The following RPS6KA2 variants were observed in gnomAD, a reference collection of about 807,000 sequenced individuals.
The protein encoded by RPS6KA2 is ribosomal protein S6 kinase alpha-2.
A neutral mutation model predicts 91.8 loss-of-function variants in RPS6KA2; 42 were observed. The observed-to-expected ratio is 0.46, with a 90% CI of 0.36 to 0.59. The LOEUF (loss-of-function observed/expected upper bound fraction) is 0.59, where lower values mean the gene tolerates loss of function less well. RPS6KA2 is among the 20% of genes least tolerant of loss of function. The pLI is 0.00. For synonymous variants in RPS6KA2, 414 were observed against 393.6 expected (o/e 1.05, Z -0.61); for missense variants, 798 against 978.5 (o/e 0.82, Z 2.46).
chr6:166,680,462 G>T (rs1788760733), intron 2 of RPS6KA2, among the ~76,000 whole-genome samples: 1 of 152,148 alleles, frequency 6.6e-6, no homozygotes, highest in African/African-American at 2.4e-5. Flanking sequence ...CCACGTTGTG[G>T]AAGGTTTGTT....
At chr6:166,549,750 C>T (rs1264178040) in intron 1 of RPS6KA2, among the ~76,000 whole-genome samples, 1 of 152,102 alleles carries the variant, frequency 6.6e-6, no homozygotes. Context: ...CCACAGATTA[C>T]ACATGTGATA....
intron 10 of RPS6KA2, among the ~76,000 whole-genome samples, chr6:166,474,011 C>T (rs1167337438): frequency 1.4e-5 from 2 of 143,730 alleles, no homozygotes; most frequent in African/African-American, 2.6e-5. Flanking sequence ...GTCAGGGAGT[C>T]GCTCGTGTCC....
At chr6:166,515,222 G>A (rs1782607556) in intron 3 of RPS6KA2, among the ~76,000 whole-genome samples, 1 of 152,184 alleles carries the variant, frequency 6.6e-6, no homozygotes, top group South Asian at 2.1e-4. Flanking sequence ...GGCAGCAGAT[G>A]CTCAAGACAG....
rs536257907 is a variant in RPS6KA2, at chr6:166,497,868, A to C, written c.747+640T>G. Among the ~76,000 whole-genome samples the C allele has an allele frequency of 3.8e-4, 58 of 152,288 alleles. 2 individuals carry two copies. The highest frequency in any genetic ancestry group is 1.2e-3 in the African/African-American group (51 of 41,562). On this transcript the variant is annotated intron_variant, in intron 8 of 20. Transcript: ENST00000265678. ...AGGCCGGAGGGCGGGATACCCCTGA[A>C]ATGCCACGACCCGATTGTCATCCAG... is the stretch of plus-strand genomic sequence containing the variant.
chr6:166,546,242 G>A (rs1562570563), intron 1 of RPS6KA2, among the ~76,000 whole-genome samples: 1 of 152,166 alleles, frequency 6.6e-6, no homozygotes. Flanking sequence ...CGGGGCAGGT[G>A]GAACACGAAT....
intron 2 of RPS6KA2, among the ~76,000 whole-genome samples, chr6:166,743,987 G>T (rs1021279436): frequency 2.0e-5 from 3 of 152,148 alleles, no homozygotes; most frequent in Non-Finnish European, 2.9e-5. Flanking sequence ...GGCACTTTCC[G>T]AAGATCTGTC....
chr6:166,722,835 G>A (rs915027654), intron 2 of RPS6KA2, among the ~76,000 whole-genome samples: 2 of 152,220 alleles, frequency 1.3e-5, no homozygotes, highest in East Asian at 1.9e-4. Flanking sequence ...AGCTTCAATC[G>A]CTGCATTTTC....
chr6:166,862,553 A>G (rs4710127), upstream of RPS6KA2: 221,499 of 266,850 alleles, frequency 0.83, 92,351 homozygotes, highest in East Asian at 0.96. Flanking sequence ...CTTCGAATTG[A>G]ATTTCCTGCC....
At chr6:166,555,491 A>G (rs1784150805) in intron 1 of RPS6KA2, among the ~76,000 whole-genome samples, 1 of 151,988 alleles carries the variant, frequency 6.6e-6, no homozygotes, top group Non-Finnish European at 1.5e-5. Context: ...GTCACCCTGT[A>G]CTCTTCCACA....
Position 166,435,602 on chromosome 6 carries a change from G to A in RPS6KA2, c.1333-3112C>T, listed in dbSNP as rs866393481. Among the ~76,000 whole-genome samples the A allele has an allele frequency of 4.6e-5, 7 of 152,242 alleles. No homozygotes were observed. Among genetic ancestry groups the A allele is most frequent in the African/African-American group, 1.7e-4 (7 of 41,464 alleles). ...AGAAGCTCCCAGGCTGAGGTCCTGTGGGGACAGGAGCTCATCTGGAGGAGA... is the reference window on the plus strand; with the variant it reads ...AGAAGCTCCCAGGCTGAGGTCCTGTAGGGACAGGAGCTCATCTGGAGGAGA... On this transcript the variant is annotated intron_variant, in intron 14 of 20. Transcript: ENST00000265678. This position sits in a 1 kb window ranked among gnomAD's most constrained non-coding sequence, Gnocchi z 4.3.
At chr6:166,564,106 T>A (rs1252627128) in intron 1 of RPS6KA2, among the ~76,000 whole-genome samples, 2 of 152,202 alleles carry the variant, frequency 1.3e-5, no homozygotes, top group African/African-American at 4.8e-5. Flanking sequence ...CAGGAATATA[T>A]TTACTTAGAG....
At chr6:166,672,314 T>A (rs763467462) in intron 2 of RPS6KA2, among the ~76,000 whole-genome samples, 1 of 152,012 alleles carries the variant, frequency 6.6e-6, no homozygotes, top group Non-Finnish European at 1.5e-5. Flanking sequence ...CCGCCAACAT[T>A]CAGGGAAGAG....
At chr6:166,755,043 A>G (rs7766665) in intron 2 of RPS6KA2, among the ~76,000 whole-genome samples, 37,664 of 152,052 alleles carry the variant, frequency 0.25, 7,765 homozygotes, top group African/African-American at 0.55. Context: ...GTAACCTGGA[A>G]CACAGAAAAT....
At chr6:166,606,988 A>T (rs1479776829) in intron 1 of RPS6KA2, among the ~76,000 whole-genome samples, 4 of 152,178 alleles carry the variant, frequency 2.6e-5, no homozygotes, top group African/African-American at 9.7e-5. Flanking sequence ...CTAAAAATGC[A>T]AAAAGTAGCT....
In RPS6KA2 at chr6:166,611,297, C is replaced by T. The variant is rs146630854; in HGVS notation, c.99+15624G>A. Among the ~76,000 whole-genome samples the T allele has an allele frequency of 2.6e-5, 4 of 152,298 alleles. No individual in the cohort carries two copies. In the East Asian group the frequency reaches 7.7e-4, roughly 29 times the overall value. ...AATATACCATATGTGCCCATTTATTCTAATGAACCAATAACACAAATACAT... is the reference window on the plus strand; with the variant it reads ...AATATACCATATGTGCCCATTTATTTTAATGAACCAATAACACAAATACAT... On this transcript the variant is annotated intron_variant, in intron 1 of 20. Transcript: ENST00000265678.
At position 166,533,399 on chromosome 6, in the gene RPS6KA2, G is replaced by A. The variant is rs540458851; in HGVS notation, c.217-2086C>T. 3.3e-5 allele frequency among the ~76,000 whole-genome samples: 5 copies of A among 152,364 alleles called. No homozygotes were observed. The highest frequency in any genetic ancestry group is 3.9e-4 in the East Asian group (2 of 5,186). ...TGAGCGTCCCGGTGCCGGAGAGGCCGCACTGGCAGAGAGGAACCTGGGTCC... is the reference window on the plus strand; with the variant it reads ...TGAGCGTCCCGGTGCCGGAGAGGCCACACTGGCAGAGAGGAACCTGGGTCC... On this transcript the variant is annotated intron_variant, in intron 2 of 20. Transcript: ENST00000265678. The surrounding 1 kb of genome is among the most constrained non-coding windows in gnomAD (Gnocchi z 4.0).
rs1164324811 is a variant in RPS6KA2, at chr6:166,410,003, A to G, written c.*2759T>C. The G allele has an allele frequency of 1.3e-5, 2 of 152,232 alleles. No individual in the cohort carries two copies. The highest frequency in any genetic ancestry group is 2.9e-5 in the Non-Finnish European group (2 of 68,042). The allele number at this position is 152,232 out of a possible 1,614,324, so 9.4% of individuals were successfully genotyped here. On this transcript the variant is annotated 3_prime_UTR_variant, in exon 21 of 21. Coordinates refer to ENST00000265678, the MANE Select transcript of RPS6KA2 (RefSeq NM_021135.6). Reference sequence around the variant, plus strand: ...CATGTTTGACTTTGGGATGGAATTCAGCAAAGCTCTCCCACTGCAGATTGG... The same window carrying G: ...CATGTTTGACTTTGGGATGGAATTCGGCAAAGCTCTCCCACTGCAGATTGG...
intron 2 of RPS6KA2, among the ~76,000 whole-genome samples, chr6:166,790,274 C>T (rs61335595): frequency 0.17 from 25,289 of 151,876 alleles, 2,259 homozygotes; most frequent in African/African-American, 0.21. Context: ...TGATGGAAGA[C>T]GAAATGAATG....
At chr6:166,727,863 A>G (rs760031810) in intron 2 of RPS6KA2, among the ~76,000 whole-genome samples, 3 of 152,028 alleles carry the variant, frequency 2.0e-5, no homozygotes, top group Non-Finnish European at 4.4e-5. Flanking sequence ...CAAAGGCCAG[A>G]CTACAGCTTC....
Sources: allele counts gnomAD v4.1 joint callset (sites outside exome capture counted in the v4.1 genomes callset), GRCh38; gene constraint gnomAD v4.1.1; non-coding constraint Gnocchi (gnomAD v3.1); transcripts MANE v1.5; gene names NCBI Gene and HGNC (gene_info 2026-07-23, HGNC 2026-07-21).